Variants in RIPK2 observed in about 807,000 individuals in gnomAD.
The protein encoded by RIPK2 is receptor interacting serine/threonine kinase 2, also known as receptor-interacting serine/threonine-protein kinase 2.
RIPK2 carries 38 observed loss-of-function variants against 60.9 expected under a neutral mutation model. That is an observed-to-expected ratio of 0.62 (90% CI 0.48 to 0.82). The LOEUF is 0.82. Ranked by LOEUF, RIPK2 falls within the 40% of genes least tolerant of loss-of-function variation. RIPK2 has a pLI of 0.00. For synonymous variants in RIPK2, 225 were observed against 223.4 expected, an observed-to-expected ratio of 1.01 and a Z score of -0.06; for missense variants, 518 against 647.0, an observed-to-expected ratio of 0.80 and a Z score of 2.16.
chr8:89,757,933 C>T lies in RIPK2; in HGVS notation c.-128C>T. 4.3e-6 allele frequency: 6 copies of T among 1,405,238 alleles called. No individual in the cohort carries two copies. The highest frequency in any genetic ancestry group is 1.8e-6 in the Non-Finnish European group (2 of 1,082,612). The allele number at this position is 1,405,238 out of a possible 1,614,324, so 87.0% of individuals were successfully genotyped here. The stretch of plus-strand genomic sequence containing the variant: ...TGGGCGCCCTCGTGACCTAGTGTTG[C>T]GGGGCAAAAAGGGTCTTGCCGGCCT... On this transcript the variant is annotated 5_prime_UTR_variant, in exon 1 of 11. Coordinates refer to ENST00000220751, the MANE Select transcript of RIPK2 (RefSeq NM_003821.6).
At chr8:89,771,836 A>G (rs1025802702) in intron 5 of RIPK2, 46 bp downstream of exon 5, 8 of 1,182,644 alleles carry the variant, frequency 6.8e-6, no homozygotes, top group Non-Finnish European at 1.0e-5. Context: ...TCATGTTAGT[A>G]GGTCACTCTC....
In RIPK2 at chr8:89,762,818, T is replaced by A; in HGVS notation, c.174-11T>A. The A allele has an allele frequency of 7.6e-7, 1 of 1,318,168 alleles. No homozygotes were observed. The allele number at this position is 1,318,168 out of a possible 1,614,324, so 81.7% of individuals were successfully genotyped here. ...TTATTACTTGAATAATTATGCATTTTTTTTTCTTAGTGAAAGAAAGGATGT... is the reference window on the plus strand; with the variant it reads ...TTATTACTTGAATAATTATGCATTTATTTTTCTTAGTGAAAGAAAGGATGT... On this transcript the variant is annotated splice_polypyrimidine_tract_variant and intron_variant, in intron 1 of 10. Transcript: ENST00000220751.
rs1441810568 is a variant in RIPK2 at position 89,791,020 on chromosome 8, T to C, written c.*604T>C. The C allele has an allele frequency of 1.3e-5, 2 of 152,206 alleles. No individual in the cohort carries two copies. The highest frequency in any genetic ancestry group is 2.9e-5 in the Non-Finnish European group (2 of 68,028). The allele number at this position is 152,206 out of a possible 1,614,324, so 9.4% of individuals were successfully genotyped here. On this transcript the variant is annotated 3_prime_UTR_variant, in exon 11 of 11. Coordinates refer to ENST00000220751, the MANE Select transcript of RIPK2 (RefSeq NM_003821.6). Reference sequence around the variant, plus strand: ...CATTTTTAACCTCAGCCTTCCCTACTGTCACCAACAACCAAGCTAAATAAA... The same window carrying C: ...CATTTTTAACCTCAGCCTTCCCTACCGTCACCAACAACCAAGCTAAATAAA...
intron 7 of RIPK2, among the ~76,000 whole-genome samples, chr8:89,782,098 G>A (rs1420261569): frequency 6.6e-6 from 1 of 152,106 alleles, no homozygotes; most frequent in Admixed American, 6.6e-5. Flanking sequence ...AGGCTATAGT[G>A]AGCTGGCACT....
In RIPK2 at chr8:89,789,411, C is replaced by A. The variant is rs531775924; in HGVS notation, c.1214C>A (p.Ala405Glu). ...ACCATTTCTGGATCTCAAAGGGCTGCATTCTGTGATCACAAGACCACTCCA... is the reference window on the plus strand; with the variant it reads ...ACCATTTCTGGATCTCAAAGGGCTGAATTCTGTGATCACAAGACCACTCCA... Reference protein sequence around the residue: ...DSTISGSQRAAFCDHKTTPCS... With the variant: ...DSTISGSQRAEFCDHKTTPCS... Residue 405 changes from alanine to glutamate, a missense_variant, in exon 10 of 11, where the codon GCA (alanine) becomes GAA (glutamate). Ala to Glu is a moderately radical substitution (Grantham distance 107). Transcript: ENST00000220751. 3.1e-6 allele frequency: 5 copies of A among 1,613,928 alleles called. No individual in the cohort carries two copies. The highest frequency in any genetic ancestry group is 4.2e-6 in the Non-Finnish European group (5 of 1,179,944).
At chr8:89,783,349 C>T (rs1294861961) in intron 7 of RIPK2, among the ~76,000 whole-genome samples, 1 of 152,210 alleles carries the variant, frequency 6.6e-6, no homozygotes, top group Non-Finnish European at 1.5e-5. Flanking sequence ...ATCTACTCAG[C>T]AGCTACCATT....
At chr8:89,781,060 G>A (rs1394311957) in intron 7 of RIPK2, among the ~76,000 whole-genome samples, 1 of 151,470 alleles carries the variant, frequency 6.6e-6, no homozygotes, top group Non-Finnish European at 1.5e-5. Flanking sequence ...AGGGGATATA[G>A]GTTTCATTAA....
Position 89,758,228 on chromosome 8 carries a change from C to A in RIPK2, c.168C>A (p.Leu56=). ...VKHLHIHTPL[L]DSERKDVLRE... is the part of the protein sequence containing the mutation. Reference sequence around the variant, plus strand: ...ACCTGCACATCCACACTCCGCTGCTCGACAGGTAGGCAGTCACTGGGGTTC... The same window carrying A: ...ACCTGCACATCCACACTCCGCTGCTAGACAGGTAGGCAGTCACTGGGGTTC... Residue 56 remains leucine (L), a synonymous_variant, in exon 1 of 11, where the codon CTC becomes CTA. Coordinates refer to ENST00000220751, the MANE Select transcript of RIPK2 (RefSeq NM_003821.6). 2 of 1,604,242 alleles carry A rather than the reference C, an allele frequency of 1.2e-6. No individual in the cohort carries two copies. The highest frequency in any genetic ancestry group is 1.7e-4 in the Middle Eastern group (1 of 6,040).
chr8:89,784,171 ATT>A, intron 8 of RIPK2, 32 bp downstream of exon 8: 1 of 1,276,294 alleles, frequency 7.8e-7, no homozygotes. Flanking sequence ...AAAAGGTTAT[ATT>A]AAACTCAAAA....
chr8:89,777,627 T>G (rs571479879), intron 6 of RIPK2, among the ~76,000 whole-genome samples: 1 of 152,106 alleles, frequency 6.6e-6, no homozygotes, highest in Non-Finnish European at 1.5e-5. Flanking sequence ...TACAAAGTAC[T>G]GTTGTCTGCC....
At chr8:89,772,855 C>T (rs779319442) in intron 6 of RIPK2, 27 bp downstream of exon 6, 1 of 1,468,086 alleles carries the variant, frequency 6.8e-7, no homozygotes, top group Non-Finnish European at 9.2e-7. Flanking sequence ...AACCTAGACT[C>T]TTTGAATTAC....
At chr8:89,784,025 A>C (rs138368995) in intron 7 of RIPK2, 25 bp from the exon 8 acceptor site, 2 of 1,212,284 alleles carry the variant, frequency 1.6e-6, no homozygotes, top group Non-Finnish European at 2.4e-6. Flanking sequence ...GTTAAAGTGT[A>C]TATATATTTA....
chr8:89,760,335 C>T (rs1206517177), intron 1 of RIPK2, among the ~76,000 whole-genome samples: 2 of 152,138 alleles, frequency 1.3e-5, no homozygotes, highest in East Asian at 3.8e-4. Context: ...AACAATCTTC[C>T]CACCCCTTAT....
At chr8:89,771,718 A>C in intron 4 of RIPK2, 23 bp from the exon 5 acceptor site, 7 of 1,533,948 alleles carry the variant, frequency 4.6e-6, no homozygotes, top group Non-Finnish European at 6.3e-6. Flanking sequence ...AATATGTAAC[A>C]TGTATGTTCT....
intron 6 of RIPK2, 114 bp downstream of exon 6, chr8:89,772,942 A>G (rs1809338833): frequency 3.2e-6 from 2 of 620,872 alleles, no homozygotes; most frequent in African/African-American, 1.9e-5. Context: ...GAAGTTGTTT[A>G]AATTATTTTC....
rs199979985 is a variant in RIPK2, at chr8:89,784,012, C to T, written c.940-38C>T. The T allele has an allele frequency of 1.5e-5, 16 of 1,076,754 alleles. No individual in the cohort carries two copies. The African/African-American group carries it at 2.4e-4, about 16-fold the overall frequency. 66.7% of individuals were successfully genotyped at this position (1,076,754 alleles called of 1,614,324 possible). On this transcript the variant is annotated intron_variant, in intron 7 of 10. Coordinates refer to ENST00000220751, the MANE Select transcript of RIPK2 (RefSeq NM_003821.6). ...TACTTCTATAATTTCCTAATCATCTCCAGTTAAAGTGTATATATATTTATG... is the reference window on the plus strand; with the variant it reads ...TACTTCTATAATTTCCTAATCATCTTCAGTTAAAGTGTATATATATTTATG...
intron 2 of RIPK2, among the ~76,000 whole-genome samples, chr8:89,763,905 C>G (rs1231099711): frequency 6.6e-6 from 1 of 152,120 alleles, no homozygotes; most frequent in Non-Finnish European, 1.5e-5. Context: ...CACAATTTCT[C>G]TTTTATTTTT....
chr8:89,761,566 T>A (rs568268063), intron 1 of RIPK2, among the ~76,000 whole-genome samples: 1 of 152,204 alleles, frequency 6.6e-6, no homozygotes, highest in East Asian at 1.9e-4. Context: ...GCCAAATTGA[T>A]CATCTTAAAA....
chr8:89,763,065 G>C, intron 2 of RIPK2, 83 bp downstream of exon 2: 1 of 879,280 alleles, frequency 1.1e-6, no homozygotes, highest in Admixed American at 3.2e-5. Context: ...TATTTGGTCA[G>C]ATTATTTAGG....
Sources: gnomAD v4.1 joint callset for allele counts (sites outside exome capture counted in the v4.1 genomes callset) on GRCh38, gnomAD v4.1.1 for gene constraint, MANE v1.5 for transcripts, NCBI Gene and HGNC (gene_info 2026-07-23, HGNC 2026-07-21) for gene names.